WDR70: variants seen among roughly 807,000 people sequenced by gnomAD.
The protein encoded by WDR70 is WD repeat domain 70.
Under a neutral mutation model 88.6 loss-of-function variants are expected in WDR70, and 53 were observed. That is an observed-to-expected ratio of 0.60 (90% CI 0.48 to 0.75). The LOEUF (loss-of-function observed/expected upper bound fraction) is 0.75. Among genes scored for constraint, WDR70 ranks in the 30% least tolerant of loss-of-function variants. The pLI, the probability that WDR70 is intolerant of heterozygous loss-of-function variation, is 0.00. For missense variants in WDR70, 610 were observed against 823.2 expected (o/e 0.74, Z 3.17); for synonymous variants, 280 against 270.0 (o/e 1.04, Z -0.36).
intron 13 of WDR70, among the ~76,000 whole-genome samples, chr5:37,718,889 G>A (rs1747727556): frequency 6.6e-6 from 1 of 152,058 alleles, no homozygotes. Flanking sequence ...AGTGGGGAAG[G>A]CAGACAATCA....
intron 10 of WDR70, among the ~76,000 whole-genome samples, chr5:37,677,447 T>C (rs180734626): frequency 2.0e-5 from 3 of 152,336 alleles, no homozygotes; most frequent in South Asian, 4.1e-4. Flanking sequence ...TTTGTTCTCA[T>C]TGGTTTCAAA....
chr5:37,603,199 A>C (rs372349288), intron 9 of WDR70, among the ~76,000 whole-genome samples: 6 of 152,144 alleles, frequency 3.9e-5, no homozygotes, highest in African/African-American at 1.4e-4. Context: ...CAAGGCAGTG[A>C]TAAGCAAAAG....
chr5:37,394,691 A>G (rs1748955359), intron 4 of WDR70, among the ~76,000 whole-genome samples: 1 of 152,216 alleles, frequency 6.6e-6, no homozygotes, highest in Non-Finnish European at 1.5e-5. Flanking sequence ...AGGAAACTCC[A>G]AAGATGAGAA....
intron 10 of WDR70, among the ~76,000 whole-genome samples, chr5:37,696,939 T>C (rs1747001146): frequency 6.6e-6 from 1 of 152,220 alleles, no homozygotes; most frequent in Admixed American, 6.5e-5. Context: ...TAATGAAGTA[T>C]TTAAGAATAG....
intron 10 of WDR70, among the ~76,000 whole-genome samples, chr5:37,619,513 C>T (rs1744446250): frequency 6.6e-6 from 1 of 152,134 alleles, no homozygotes; most frequent in African/African-American, 2.4e-5. Context: ...ACTGTTTTAA[C>T]TATTATAAAC....
chr5:37,677,845 C>A (rs202104368), intron 10 of WDR70, among the ~76,000 whole-genome samples: 1 of 152,122 alleles, frequency 6.6e-6, no homozygotes, highest in African/African-American at 2.4e-5. Context: ...TAAAGTCTCC[C>A]ATTATTATTG....
At chr5:37,728,357 A>AC (rs1748048693) in intron 17 of WDR70, among the ~76,000 whole-genome samples, 1 of 102,056 alleles carries the variant, frequency 9.8e-6, no homozygotes, top group Non-Finnish European at 2.0e-5. Context: ...CCAAAAAAAA[A>AC]AAAAAACAAA....
chr5:37,643,939 A>G (rs1193938398), intron 10 of WDR70, among the ~76,000 whole-genome samples: 2 of 152,086 alleles, frequency 1.3e-5, no homozygotes, highest in Non-Finnish European at 2.9e-5. Flanking sequence ...AACAAGGATA[A>G]TTTGACTTCT....
rs747114725 is a variant in WDR70 at position 37,752,582 on chromosome 5, A to G, written c.*9A>G. 3.8e-6 allele frequency: 6 copies of G among 1,592,308 alleles called. No homozygotes were observed. The African/African-American group carries it at 5.4e-5, about 14-fold the overall frequency. ...AAAAACGTAAAATTTGAAGAATCTCATTTGAGAGCTGTTTGCATGAGTGGG... is the reference window on the plus strand; with the variant it reads ...AAAAACGTAAAATTTGAAGAATCTCGTTTGAGAGCTGTTTGCATGAGTGGG... On this transcript the variant is annotated 3_prime_UTR_variant, in exon 18 of 18. Coordinates refer to ENST00000265107, the MANE Select transcript of WDR70 (RefSeq NM_018034.4).
At chr5:37,584,384 G>T (rs1459939780) in intron 9 of WDR70, among the ~76,000 whole-genome samples, 1 of 152,092 alleles carries the variant, frequency 6.6e-6, no homozygotes, top group East Asian at 1.9e-4. Context: ...ATATCGAAAA[G>T]GTTCATTTTT....
At chr5:37,720,304 A>G (rs1237035122) in intron 13 of WDR70, among the ~76,000 whole-genome samples, 2 of 152,120 alleles carry the variant, frequency 1.3e-5, no homozygotes, top group East Asian at 1.9e-4. Flanking sequence ...AACCTAGTAC[A>G]TGGGGTTTCT....
rs760844628 is a variant in WDR70, at chr5:37,697,748, C to T, written c.1186C>T (p.Arg396Cys). ...CTATGATGGTAATGTCCTTGCCTCT[C>T]GTGGAGGTAGGTTAAAAGCTTTCTT... is the stretch of plus-strand genomic sequence containing the variant. ...FSYDGNVLAS[R>C]GGDDSLKLWD... is the part of the protein sequence containing the mutation. Residue 396 changes from arginine to cysteine, a missense_variant, in exon 11 of 18, where the codon CGT becomes TGT. Coordinates refer to ENST00000265107, the MANE Select transcript of WDR70 (RefSeq NM_018034.4). 9.9e-6 allele frequency: 16 copies of T among 1,612,698 alleles called. No homozygotes were observed. The highest frequency in any genetic ancestry group is 5.5e-5 in the South Asian group (5 of 90,996).
chr5:37,407,446 C>T (rs1581254763), intron 5 of WDR70, among the ~76,000 whole-genome samples: 1 of 151,954 alleles, frequency 6.6e-6, no homozygotes, highest in African/African-American at 2.4e-5. Flanking sequence ...ATCACCTGAG[C>T]CTGGGAGGCG....
At chr5:37,722,717 A>G in intron 14 of WDR70, 138 bp from the exon 15 acceptor site, 1 of 716,320 alleles carries the variant, frequency 1.4e-6, no homozygotes. Flanking sequence ...ATCTGTTGCC[A>G]TCCCTCAGAA....
chr5:37,741,124 A>G (rs979698380), intron 17 of WDR70, among the ~76,000 whole-genome samples: 1 of 152,184 alleles, frequency 6.6e-6, no homozygotes, highest in Admixed American at 6.5e-5. Context: ...TTTGAGAAGC[A>G]GTACCCTAGG....
At chr5:37,735,561 A>T (rs1438411303) in intron 17 of WDR70, among the ~76,000 whole-genome samples, 1 of 151,972 alleles carries the variant, frequency 6.6e-6, no homozygotes, top group Admixed American at 6.6e-5. Context: ...GCTTCCACCC[A>T]ATTTCGTCAC....
chr5:37,399,096 G>T (rs902718819), intron 5 of WDR70, among the ~76,000 whole-genome samples: 1 of 152,214 alleles, frequency 6.6e-6, no homozygotes, highest in African/African-American at 2.4e-5. Flanking sequence ...GGCTAACACG[G>T]TGAAAACCCA....
intron 17 of WDR70, among the ~76,000 whole-genome samples, chr5:37,744,097 T>G (rs1299948801): frequency 6.6e-6 from 1 of 152,122 alleles, no homozygotes; most frequent in African/African-American, 2.4e-5. Flanking sequence ...CCAGCCTCCT[T>G]GAGTGACATC....
At chr5:37,684,124 G>C (rs186719736) in intron 10 of WDR70, among the ~76,000 whole-genome samples, 1 of 151,692 alleles carries the variant, frequency 6.6e-6, no homozygotes, top group Non-Finnish European at 1.5e-5. Flanking sequence ...TCTTCATTTT[G>C]GTCTATTCTG....
Sources: gnomAD v4.1 joint callset for allele counts (sites outside exome capture counted in the v4.1 genomes callset) on GRCh38, gnomAD v4.1.1 for gene constraint, MANE v1.5 for transcripts, NCBI Gene and HGNC (gene_info 2026-07-23, HGNC 2026-07-21) for gene names.